Variants in PMFBP1 observed in about 807,000 individuals in gnomAD.
The protein encoded by PMFBP1 is polyamine modulated factor 1 binding protein 1, also known as polyamine-modulated factor 1-binding protein 1.
PMFBP1 carries 131 observed loss-of-function variants against 137.8 expected under a neutral mutation model. The observed-to-expected ratio is 0.95, with a 90% CI of 0.82 to 1.10. The LOEUF is 1.10. Among genes scored for constraint, PMFBP1 ranks in the 50% least tolerant of loss-of-function variants. The pLI is 0.00. For missense variants in PMFBP1, 1,199 were observed against 1,175.4 expected (o/e 1.02, Z -0.29); for synonymous variants, 490 against 450.4 (o/e 1.09, Z -1.11).
rs2042498992 is a variant in PMFBP1, at chr16:72,128,650, T to A, written c.2088+7A>T. The A allele has an allele frequency of 6.2e-7, 1 of 1,614,014 alleles. No homozygotes were observed. The highest frequency in any genetic ancestry group is 8.5e-7 in the Non-Finnish European group (1 of 1,180,006). Reference sequence around the variant, plus strand: ...TCCTCACTCCCTTGGGGTTCCTGTCTACTCACCTCTTTATTCAAGTCTTGG... The same window carrying A: ...TCCTCACTCCCTTGGGGTTCCTGTCAACTCACCTCTTTATTCAAGTCTTGG... On this transcript the variant is annotated splice_region_variant and intron_variant, in intron 14 of 20. Coordinates refer to ENST00000237353, the MANE Select transcript of PMFBP1 (RefSeq NM_031293.3).
At position 72,169,995 on chromosome 16, in the gene PMFBP1, G is replaced by A. The variant is rs2043198478; in HGVS notation, c.12+1202C>T. ...GTTGGAGATCAGCCACCTATGGAAC[G>A]TGGGCTGATTTTTATTGGCACCTGG... On this transcript the variant is annotated intron_variant, in intron 2 of 20. Transcript: ENST00000237353. Among the ~76,000 whole-genome samples the A allele has an allele frequency of 5.3e-5, 8 of 151,444 alleles. No individual in the cohort carries two copies. The Admixed American group carries it at 5.3e-4, about 10-fold the overall frequency.
chr16:72,203,177 C>T, the PMFBP1 span, among the ~76,000 whole-genome samples: 3 of 152,230 alleles, frequency 2.0e-5, no homozygotes, highest in Non-Finnish European at 4.4e-5. Context: ...GGCACCCAGT[C>T]TCCTTCAAAT....
At chr16:72,194,565 T>C in the PMFBP1 span, among the ~76,000 whole-genome samples, 1 of 152,246 alleles carries the variant, frequency 6.6e-6, no homozygotes, top group African/African-American at 2.4e-5. Context: ...ATCTTTGAGC[T>C]TGAGCAAGTT....
the PMFBP1 span, among the ~76,000 whole-genome samples, chr16:72,245,719 G>A: frequency 6.6e-6 from 1 of 152,028 alleles, no homozygotes; most frequent in Non-Finnish European, 1.5e-5. Context: ...AGGATGCCCC[G>A]GTCTGTACGG....
upstream of PMFBP1, among the ~76,000 whole-genome samples, chr16:72,175,891 T>C (rs557785817): frequency 3.9e-5 from 6 of 152,310 alleles, no homozygotes; most frequent in African/African-American, 1.4e-4. Context: ...GGATACTTAT[T>C]GTATACTAAT....
the PMFBP1 span, among the ~76,000 whole-genome samples, chr16:72,232,082 T>G: frequency 6.6e-6 from 1 of 152,150 alleles, no homozygotes; most frequent in African/African-American, 2.4e-5. Context: ...AAACAATGGT[T>G]GTGTGGATTA....
rs201664790 is a variant in PMFBP1, at chr16:72,124,753, C to A, written c.2589+14G>T. On this transcript the variant is annotated intron_variant, in intron 17 of 20. Coordinates refer to ENST00000237353, the MANE Select transcript of PMFBP1 (RefSeq NM_031293.3). ...GCACTGAGAGGAGGCACGCAGAAGCCAAGGCATGCCCACCTCCTTATCGTC... is the reference window on the plus strand; with the variant it reads ...GCACTGAGAGGAGGCACGCAGAAGCAAAGGCATGCCCACCTCCTTATCGTC... 3.7e-6 allele frequency: 6 copies of A among 1,610,686 alleles called. No homozygotes were observed. The highest frequency in any genetic ancestry group is 5.1e-6 in the Non-Finnish European group (6 of 1,177,940).
chr16:72,247,481 A>C, the PMFBP1 span, among the ~76,000 whole-genome samples: 3 of 152,204 alleles, frequency 2.0e-5, no homozygotes, highest in Non-Finnish European at 4.4e-5. Context: ...AGAACATCCC[A>C]AAATGTCACA....
At chr16:72,124,673 C>A (rs2042426445) in intron 17 of PMFBP1, 94 bp downstream of exon 17, 1 of 1,467,860 alleles carries the variant, frequency 6.8e-7, no homozygotes, top group Non-Finnish European at 9.3e-7. Context: ...CCCAGGCTCT[C>A]CCACCCCCAC....
At chr16:72,158,492 A>G (rs1333474361) in intron 3 of PMFBP1, among the ~76,000 whole-genome samples, 1 of 152,018 alleles carries the variant, frequency 6.6e-6, no homozygotes, top group Non-Finnish European at 1.5e-5. Context: ...GTGCTCATGT[A>G]TGTGTGTGTA....
At chr16:72,241,195 C>T in the PMFBP1 span, among the ~76,000 whole-genome samples, 7 of 152,074 alleles carry the variant, frequency 4.6e-5, no homozygotes, top group African/African-American at 7.2e-5. Flanking sequence ...AGGCTCTCAC[C>T]GACCACTGAA....
the PMFBP1 span, among the ~76,000 whole-genome samples, chr16:72,221,633 A>G: frequency 3.9e-5 from 6 of 152,030 alleles, no homozygotes; most frequent in Non-Finnish European, 5.9e-5. Flanking sequence ...AGGAGTACCT[A>G]CTCTCGGGAA....
rs2144209698 is a variant in PMFBP1 at position 72,119,367 on chromosome 16, G to C, written c.3008-13C>G. ...CAGTATGAGGAACCTGAGGGAACAG[G>C]GAGGAAATGAGAGTTTTGATTCGAG... On this transcript the variant is annotated splice_polypyrimidine_tract_variant and intron_variant, in intron 20 of 20. Coordinates refer to ENST00000237353, the MANE Select transcript of PMFBP1 (RefSeq NM_031293.3). The C allele has an allele frequency of 6.2e-7, 1 of 1,614,126 alleles. No individual in the cohort carries two copies. Among genetic ancestry groups the C allele is most frequent in the South Asian group, 1.1e-5 (1 of 91,068 alleles).
the PMFBP1 span, among the ~76,000 whole-genome samples, chr16:72,227,018 T>C: frequency 1.3e-5 from 2 of 152,052 alleles, no homozygotes; most frequent in Admixed American, 6.6e-5. Context: ...CCCTAAATGC[T>C]CATGAAAATG....
the PMFBP1 span, among the ~76,000 whole-genome samples, chr16:72,187,034 A>G: frequency 6.6e-6 from 1 of 151,762 alleles, no homozygotes; most frequent in Non-Finnish European, 1.5e-5. Flanking sequence ...AATCGCTTGA[A>G]TCCGGGAGGT....
intron 9 of PMFBP1, among the ~76,000 whole-genome samples, chr16:72,133,654 G>C (rs1308875792): frequency 6.6e-6 from 1 of 152,158 alleles, no homozygotes; most frequent in African/African-American, 2.4e-5. Flanking sequence ...CAGGGCAGGA[G>C]AGGGCTCCCC....
chr16:72,192,605 G>T, the PMFBP1 span, among the ~76,000 whole-genome samples: 1 of 152,124 alleles, frequency 6.6e-6, no homozygotes, highest in African/African-American at 2.4e-5. Context: ...GTTAACTGCA[G>T]GGCCGGGTGT....
intron 4 of PMFBP1, among the ~76,000 whole-genome samples, chr16:72,152,172 C>A (rs2042911961): frequency 6.6e-6 from 1 of 152,150 alleles, no homozygotes; most frequent in Admixed American, 6.6e-5. Context: ...GTTGAGTGAA[C>A]CCAACCTTAG....
At chr16:72,134,082 G>A (rs2042588948) in intron 9 of PMFBP1, among the ~76,000 whole-genome samples, 1 of 152,110 alleles carries the variant, frequency 6.6e-6, no homozygotes, top group East Asian at 1.9e-4. Flanking sequence ...GAGGTCAAAT[G>A]GCACATTTGG....
Sources: allele counts gnomAD v4.1 joint callset (sites outside exome capture counted in the v4.1 genomes callset), GRCh38; gene constraint gnomAD v4.1.1; transcripts MANE v1.5; gene names NCBI Gene and HGNC (gene_info 2026-07-23, HGNC 2026-07-21).